The following WDFY2 variants were observed in gnomAD, a reference collection of about 807,000 sequenced individuals.
The protein encoded by WDFY2 is WD repeat and FYVE domain-containing protein 2.
In WDFY2, 36 loss-of-function variants were observed where a neutral mutation model predicts 56.4. The observed-to-expected ratio is 0.64, with a 90% CI of 0.49 to 0.84. WDFY2 has a LOEUF of 0.84. Among genes scored for constraint, WDFY2 ranks in the 40% least tolerant of loss-of-function variants. The pLI is 0.00. For missense variants in WDFY2, 444 were observed against 512.2 expected, an observed-to-expected ratio of 0.87 and a Z score of 1.29; for synonymous variants, 176 against 183.7, an observed-to-expected ratio of 0.96 and a Z score of 0.34.
chr13:51,695,321 T>C (rs1951843984), intron 3 of WDFY2, among the ~76,000 whole-genome samples: 1 of 152,166 alleles, frequency 6.6e-6, no homozygotes, highest in African/African-American at 2.4e-5. Context: ...TTTTATCTAC[T>C]TTTGGTCTTT....
At chr13:51,634,889 GAGTCCCCCCATA>G (rs1176064121) in intron 1 of WDFY2, among the ~76,000 whole-genome samples, 2 of 152,094 alleles carry the variant, frequency 1.3e-5, no homozygotes, top group African/African-American at 4.8e-5. Context: ...GAAGAATGCA[GAGTCCCCCCATA>G]AGGAAGCCCT....
At position 51,629,882 on chromosome 13, in the gene WDFY2, A is replaced by G. The variant is rs116514409; in HGVS notation, c.138-30714A>G. Among the ~76,000 whole-genome samples, 809 of 145,994 alleles carry G rather than the reference A, an allele frequency of 5.5e-3. 6 individuals are homozygous for G. Among genetic ancestry groups the G allele is most frequent in the African/African-American group, 0.019 (757 of 39,402 alleles). On this transcript the variant is annotated intron_variant, in intron 1 of 11. Transcript: ENST00000298125. ...TACATCTGAAAAATATTGAAAGTAC[A>G]AAAACAGTATGTGAAGCAGGAGGTA...
intron 4 of WDFY2, among the ~76,000 whole-genome samples, chr13:51,708,590 AAAGC>A (rs1281381988): frequency 6.6e-6 from 1 of 152,140 alleles, no homozygotes; most frequent in Non-Finnish European, 1.5e-5. Flanking sequence ...TTAAAAAAAA[AAAGC>A]AGACTAAGAG....
chr13:51,615,367 G>A (rs1313594883), intron 1 of WDFY2, among the ~76,000 whole-genome samples: 1 of 151,758 alleles, frequency 6.6e-6, no homozygotes, highest in Non-Finnish European at 1.5e-5. Flanking sequence ...AAAAAACACT[G>A]AAACATCATT....
intron 9 of WDFY2, 94 bp downstream of exon 9, chr13:51,755,553 T>A: frequency 8.2e-7 from 1 of 1,216,822 alleles, no homozygotes; most frequent in Non-Finnish European, 1.2e-6. Flanking sequence ...GTGGGAGTTG[T>A]GGTGAGGGTA....
At position 51,657,056 on chromosome 13, in the gene WDFY2, T is replaced by C. The variant is rs149356698; in HGVS notation, c.138-3540T>C. On this transcript the variant is annotated intron_variant, in intron 1 of 11. Coordinates refer to ENST00000298125, the MANE Select transcript of WDFY2 (RefSeq NM_052950.4). ...AATCTCTTTGTTTTTTGTTTCTCAA[T>C]TTCTCCACTATTGCCTTCTTCTACG... 4.9e-3 allele frequency among the ~76,000 whole-genome samples: 749 copies of C among 152,214 alleles called. 4 individuals are homozygous for C. The highest frequency in any genetic ancestry group is 0.014 in the African/African-American group (587 of 41,578).
At chr13:51,590,692 C>G (rs1954025709) in intron 1 of WDFY2, 1 of 151,916 alleles carries the variant, frequency 6.6e-6, no homozygotes, top group Non-Finnish European at 1.5e-5. Context: ...AGAGATCACA[C>G]TCCTTTATTT....
chr13:51,733,927 A>G (rs2138672250), intron 6 of WDFY2, among the ~76,000 whole-genome samples: 1 of 152,298 alleles, frequency 6.6e-6, no homozygotes, highest in South Asian at 2.1e-4. Flanking sequence ...GTGAAGAGTT[A>G]TGGATCTCAG....
intron 1 of WDFY2, chr13:51,586,149 G>T: frequency 2.5e-6 from 1 of 398,318 alleles, no homozygotes; most frequent in South Asian, 1.3e-4. Context: ...GAAGCCTTAT[G>T]AGAAAGTTTG....
intron 3 of WDFY2, among the ~76,000 whole-genome samples, chr13:51,694,717 G>A (rs562135423): frequency 1.3e-5 from 2 of 152,282 alleles, no homozygotes; most frequent in Admixed American, 1.3e-4. Flanking sequence ...TCCTGAGTCT[G>A]AATGTTGGCC....
intron 2 of WDFY2, among the ~76,000 whole-genome samples, chr13:51,666,642 A>G (rs1955706520): frequency 6.6e-6 from 1 of 152,198 alleles, no homozygotes; most frequent in African/African-American, 2.4e-5. Flanking sequence ...CTTTGTCATT[A>G]TGGATAATGT....
intron 3 of WDFY2, among the ~76,000 whole-genome samples, chr13:51,690,923 G>C (rs1024229277): frequency 6.6e-6 from 1 of 152,150 alleles, no homozygotes; most frequent in Non-Finnish European, 1.5e-5. Flanking sequence ...TAGTGGTTTT[G>C]ATTTGCATTT....
At position 51,695,395 on chromosome 13, in the gene WDFY2, G is replaced by C. The variant is rs373891215; in HGVS notation, c.280-8201G>C. On this transcript the variant is annotated intron_variant, in intron 3 of 11. Transcript: ENST00000298125. The stretch of plus-strand genomic sequence containing the variant: ...TCCTTTCTGTTTGTTAGTTTTCCTT[G>C]TAACAGACAGGACCCTCAGCTGTAT... Among the ~76,000 whole-genome samples the C allele has an allele frequency of 7.2e-5, 11 of 152,238 alleles. No individual in the cohort carries two copies. In the South Asian group the frequency reaches 1.2e-3, roughly 17 times the overall value.
chr13:51,674,897 G>C (rs1194256048), intron 2 of WDFY2, among the ~76,000 whole-genome samples: 5 of 152,170 alleles, frequency 3.3e-5, no homozygotes, highest in Non-Finnish European at 5.9e-5. Flanking sequence ...CAAATTTAGA[G>C]TCCATACTGA....
At chr13:51,713,078 G>A (rs1170481252) in intron 4 of WDFY2, among the ~76,000 whole-genome samples, 1 of 152,128 alleles carries the variant, frequency 6.6e-6, no homozygotes, top group African/African-American at 2.4e-5. Flanking sequence ...GCTTTACACA[G>A]ACTCTTTCAG....
intron 4 of WDFY2, among the ~76,000 whole-genome samples, chr13:51,714,357 T>A (rs1952296568): frequency 6.6e-6 from 1 of 152,132 alleles, no homozygotes; most frequent in Non-Finnish European, 1.5e-5. Flanking sequence ...AGTGGTGTGA[T>A]CTTGGCTCAC....
rs1313912842 is a variant in WDFY2 at position 51,760,419 on chromosome 13, G to C, written c.*650G>C. The stretch of plus-strand genomic sequence containing the variant: ...GTTCTTATGAAGTAGAAAAGACTGT[G>C]TTTCTGCCTCAGTTGCCTCTGTCTT... On this transcript the variant is annotated 3_prime_UTR_variant, in exon 12 of 12. Transcript: ENST00000298125. The C allele has an allele frequency of 6.6e-6, 1 of 151,922 alleles. No individual in the cohort carries two copies. The highest frequency in any genetic ancestry group is 1.5e-5 in the Non-Finnish European group (1 of 67,990). The allele number at this position is 151,922 out of a possible 1,614,324, so 9.4% of individuals were successfully genotyped here.
intron 5 of WDFY2, among the ~76,000 whole-genome samples, chr13:51,721,115 C>T (rs1952479832): frequency 6.6e-6 from 1 of 152,090 alleles, no homozygotes; most frequent in Admixed American, 6.5e-5. Context: ...CAATCTTTGT[C>T]AATTAAATAC....
In WDFY2 at chr13:51,693,322, T is replaced by C. The variant is rs1261191323; in HGVS notation, c.280-10274T>C. On this transcript the variant is annotated intron_variant, in intron 3 of 11. Transcript: ENST00000298125. ...CCTGCTTTCTCTTGTGGGCATTTAG[T>C]GCTATAAATTTCCCTCTACACACTG... 9.1e-3 allele frequency among the ~76,000 whole-genome samples: 1,389 copies of C among 151,968 alleles called. 17 individuals carry two copies. The highest frequency in any genetic ancestry group is 0.032 in the African/African-American group (1,313 of 41,528).
Sources: gnomAD v4.1 joint callset for allele counts (sites outside exome capture counted in the v4.1 genomes callset) on GRCh38, gnomAD v4.1.1 for gene constraint, MANE v1.5 for transcripts, NCBI Gene and HGNC (gene_info 2026-07-23, HGNC 2026-07-21) for gene names.